TEPSIN: variants seen among roughly 807,000 people sequenced by gnomAD.
The protein encoded by TEPSIN is TEPSIN adaptor related protein complex 4 accessory protein, also known as AP-4 complex accessory subunit tepsin.
Under a neutral mutation model 48.5 loss-of-function variants are expected in TEPSIN, and 50 were observed. That is an observed-to-expected ratio of 1.03 (90% CI 0.82 to 1.31). The LOEUF (loss-of-function observed/expected upper bound fraction) is 1.31, where lower values mean the gene tolerates loss of function less well. Among genes scored for constraint, TEPSIN ranks in the 50% most tolerant of loss-of-function variants. TEPSIN has a pLI of 0.00. For missense variants in TEPSIN, 838 were observed against 815.9 expected (o/e 1.03, Z -0.33); for synonymous variants, 392 against 358.8 (o/e 1.09, Z -1.05).
In TEPSIN at chr17:81,230,726, A is replaced by C. The variant is rs745625373; in HGVS notation, c.1099-48T>G. ...TCAGCACCCATGGGGCAGCAGGTCC[A>C]CGCCAGGGAGGCCTATTTGGCCATC... On this transcript the variant is annotated intron_variant, in intron 11 of 12. Coordinates refer to ENST00000637944, the MANE Select transcript of TEPSIN (RefSeq NM_001363764.2). This position sits in a 1 kb window ranked among gnomAD's most constrained non-coding sequence, Gnocchi z 4.2. 12 of 1,473,966 alleles carry C rather than the reference A, an allele frequency of 8.1e-6. No individual in the cohort carries two copies. The Admixed American group carries it at 3.2e-4, about 39-fold the overall frequency. 91.3% of individuals were successfully genotyped at this position (1,473,966 alleles called of 1,614,324 possible). A position where few individuals can be genotyped will look rare whatever the true frequency, so the allele number is the denominator to read the frequency against.
intron 1 of TEPSIN, chr17:81,237,954 T>A: frequency 1.0e-6 from 1 of 1,004,964 alleles, no homozygotes; most frequent in Non-Finnish European, 1.2e-6. Context: ...GTCGTGTGTT[T>A]TACGTTCGCT....
In TEPSIN at chr17:81,237,022, G is replaced by A. The variant is rs200556310; in HGVS notation, c.171C>T (p.Leu57=). ...PGSSQCLLEY[L]LSRLHSSSGH... is the part of the protein sequence containing the mutation. ...CGGAGCTGCTGTGCAGGCGGCTCAG[G>A]AGGTACTCCAGCAGGCACTGGCTGC... is the stretch of plus-strand genomic sequence containing the variant. Residue 57 remains leucine (L), a synonymous_variant, in exon 3 of 13, where the codon CTC becomes CTT. Transcript: ENST00000637944. 4.4e-6 allele frequency: 7 copies of A among 1,598,338 alleles called. No individual in the cohort carries two copies. The East Asian group carries it at 1.4e-4, about 31-fold the overall frequency.
intron 1 of TEPSIN, chr17:81,237,901 G>A (rs1027881392): frequency 3.4e-6 from 3 of 880,444 alleles, no homozygotes; most frequent in Non-Finnish European, 4.1e-6. Flanking sequence ...AGTGACAGCC[G>A]CTCAGCGTGA....
chr17:81,228,837 G>T lies in TEPSIN; in HGVS notation c.*91C>A. ...GTCCTCTCAAGTCAAGCTGCCTGGA[G>T]ACTGTAGCAGCTACGGTTGAGGCTG... On this transcript the variant is annotated 3_prime_UTR_variant, in exon 13 of 13. Coordinates refer to ENST00000637944, the MANE Select transcript of TEPSIN (RefSeq NM_001363764.2). 6.7e-7 allele frequency: 1 copy of T among 1,499,994 alleles called. No homozygotes were observed. Among genetic ancestry groups the T allele is most frequent in the South Asian group, 1.2e-5 (1 of 82,680 alleles). The allele number at this position is 1,499,994 out of a possible 1,614,324, so 92.9% of individuals were successfully genotyped here.
chr17:81,237,420 G>T lies in TEPSIN; in HGVS notation c.88C>A (p.Pro30Thr). 6.2e-7 allele frequency: 1 copy of T among 1,611,952 alleles called. No homozygotes were observed. The highest frequency in any genetic ancestry group is 8.5e-7 in the Non-Finnish European group (1 of 1,179,458). The change falls in exon 2 of 13, where the codon CCG (proline) becomes ACG (threonine). Residue 30 changes from proline to threonine, a missense_variant. Physicochemically the swap from Pro to Thr is conservative, Grantham distance 38. Coordinates refer to ENST00000637944, the MANE Select transcript of TEPSIN (RefSeq NM_001363764.2). Reference sequence around the variant, plus strand: ...TCTTCAAACAGGTAGCCCGGACACGGGACATCATCATCGGACGTCCCCTTC... The same window carrying T: ...TCTTCAAACAGGTAGCCCGGACACGTGACATCATCATCGGACGTCCCCTTC... ...LLKGTSDDDV[P>T]CPGYLFEEIA...
Position 81,233,734 on chromosome 17 carries a change from G to A in TEPSIN, c.376-18C>T, listed in dbSNP as rs914830077. ...CCCAAGTCCTACAGGGGGAGGCGAA[G>A]GCCCTCAGTGTCCTCACACCAGGGC... On this transcript the variant is annotated intron_variant, in intron 5 of 12. Transcript: ENST00000637944. The surrounding 1 kb of genome is among the most constrained non-coding windows in gnomAD (Gnocchi z 5.8). 2 of 1,580,102 alleles carry A rather than the reference G, an allele frequency of 1.3e-6. No individual in the cohort carries two copies. Among genetic ancestry groups the A allele is most frequent in the Admixed American group, 1.9e-5 (1 of 53,166 alleles).
In TEPSIN at chr17:81,229,129, G is replaced by C. The variant is rs1192434636; in HGVS notation, c.1581C>G (p.Gly527=). ...CGCGGCTCCACGCACAGCTGCTGGG[G>C]CCTCTCTTTGGGCTGTCCGTGCCCC... ...IPGGTDSPKR[G]PSSCAWSRDS... The change falls in exon 13 of 13, where the codon GGC becomes GGG. Residue 527 remains glycine (G), a synonymous_variant. Coordinates refer to ENST00000637944, the MANE Select transcript of TEPSIN (RefSeq NM_001363764.2). 1 of 1,613,038 alleles carries C rather than the reference G, an allele frequency of 6.2e-7. No homozygotes were observed.
Position 81,231,932 on chromosome 17 carries a change from G to T in TEPSIN, c.820C>A (p.Leu274Met), listed in dbSNP as rs2062621632. 2 of 1,613,662 alleles carry T rather than the reference G, an allele frequency of 1.2e-6. No individual in the cohort carries two copies. Among genetic ancestry groups the T allele is most frequent in the Non-Finnish European group, 1.7e-6 (2 of 1,179,992 alleles). The stretch of plus-strand genomic sequence containing the variant: ...CTGCCCGAGTCCGAGACCCTGCTCA[G>T]GTCGCTGTTCTGGGAGGAATTCTGA... The part of the protein sequence containing the change: ...SSQNSSQNSD[L>M]SRVSDSGSHS... The change falls in exon 9 of 13, where the codon CTG (leucine) becomes ATG (methionine). Residue 274 changes from leucine (L) to methionine (M), a missense_variant. Transcript: ENST00000637944.
intron 12 of TEPSIN, chr17:81,229,728 T>C (rs2062549123): frequency 3.6e-6 from 2 of 550,634 alleles, no homozygotes; most frequent in Non-Finnish European, 6.4e-6. Context: ...GCTCCTTTAC[T>C]CACTACTAGA....
chr17:81,234,639 T>A lies in TEPSIN; in HGVS notation c.308-591A>T, dbSNP rs901122253. 1.3e-5 allele frequency among the ~76,000 whole-genome samples: 2 copies of A among 152,022 alleles called. No individual in the cohort carries two copies. Among genetic ancestry groups the A allele is most frequent in the African/African-American group, 4.8e-5 (2 of 41,390 alleles). On this transcript the variant is annotated intron_variant, in intron 4 of 12. Coordinates refer to ENST00000637944, the MANE Select transcript of TEPSIN (RefSeq NM_001363764.2). This position sits in a 1 kb window ranked among gnomAD's most constrained non-coding sequence, Gnocchi z 5.4. The stretch of plus-strand genomic sequence containing the variant: ...CTCGAGAGCCTCTGTCACAGGCGAA[T>A]CCACTCACGCCCCTCGGCCGTCTAC...
At chr17:81,238,269 A>G (rs1056398307) in intron 1 of TEPSIN, 4 of 713,338 alleles carry the variant, frequency 5.6e-6, no homozygotes, top group South Asian at 6.3e-5. Context: ...TGAGGTTTGC[A>G]GGTGACAGCT....
rs777445750 is a variant in TEPSIN, at chr17:81,232,021, G to A, written c.731C>T (p.Ala244Val). Residue 244 changes from alanine (A) to valine (V), a missense_variant and splice_region_variant, in exon 9 of 13, where the codon GCT becomes GTT. Coordinates refer to ENST00000637944, the MANE Select transcript of TEPSIN (RefSeq NM_001363764.2). ...GGCCTGCCCAGGCTGATGCCTCACAGCTGGAGGAAACAGGACAGCCGGTGA... is the reference window on the plus strand; with the variant it reads ...GGCCTGCCCAGGCTGATGCCTCACAACTGGAGGAAACAGGACAGCCGGTGA... ...LLPGAIPGPR[A>V]VRHQPGQAGG... The A allele has an allele frequency of 1.9e-6, 3 of 1,607,322 alleles. No homozygotes were observed. Among genetic ancestry groups the A allele is most frequent in the Non-Finnish European group, 2.5e-6 (3 of 1,179,448 alleles).
intron 4 of TEPSIN, among the ~76,000 whole-genome samples, chr17:81,235,062 G>A (rs971315729): frequency 3.3e-5 from 5 of 152,022 alleles, no homozygotes; most frequent in African/African-American, 7.3e-5. Context: ...TGCCAGCTTC[G>A]AGAAAACCCA....
chr17:81,231,322 C>T, intron 11 of TEPSIN, 76 bp downstream of exon 11: 3 of 1,396,432 alleles, frequency 2.1e-6, no homozygotes, highest in South Asian at 2.8e-5. Context: ...CACACGTGCA[C>T]ACACACGCAC....
rs1241603862 is a variant in TEPSIN, at chr17:81,230,629, T to A, written c.1148A>T (p.Gln383Leu). Residue 383 changes from glutamine (Q) to leucine (L), a missense_variant, in exon 12 of 13, where the codon CAG becomes CTG. Physicochemically the swap from Gln to Leu is moderately radical, Grantham distance 113 (BLOSUM62 -2). Transcript: ENST00000637944. The surrounding 1 kb of genome is among the most constrained non-coding windows in gnomAD (Gnocchi z 4.2). Reference protein sequence around the residue: ...ASLGSSDLLPQEHILLRTRPW... With the variant: ...ASLGSSDLLPLEHILLRTRPW... ...CCGGGTGCGGAGGAGGATGTGCTCC[T>A]GGGGGAGGAGGTCGCTGCTCCCCAG... is the stretch of plus-strand genomic sequence containing the variant. The A allele has an allele frequency of 1.3e-6, 2 of 1,598,896 alleles. No individual in the cohort carries two copies. The highest frequency in any genetic ancestry group is 2.2e-5 in the South Asian group (2 of 89,408).
At chr17:81,232,542 G>C in intron 7 of TEPSIN, 24 bp from the exon 8 acceptor site, 8 of 1,523,260 alleles carry the variant, frequency 5.3e-6, no homozygotes, top group Non-Finnish European at 7.0e-6. Context: ...GAGGGAGATG[G>C]GACGGCCGCC....
In TEPSIN at chr17:81,236,763, G is replaced by A. The variant is rs149429739; in HGVS notation, c.252C>T (p.Ser84=). The A allele has an allele frequency of 6.4e-7, 1 of 1,574,198 alleles. No homozygotes were observed. The highest frequency in any genetic ancestry group is 1.4e-5 in the African/African-American group (1 of 73,908). ...KILLYLCSHG[S]SFFLLILKRN... ...GTTTGAGGATGAGCAGGAAGAAGGAGGAGCCGTGGCTGCACAGATAGAGCA... is the reference window on the plus strand; with the variant it reads ...GTTTGAGGATGAGCAGGAAGAAGGAAGAGCCGTGGCTGCACAGATAGAGCA... Residue 84 remains serine, a synonymous_variant, in exon 4 of 13, where the codon TCC becomes TCT. Coordinates refer to ENST00000637944, the MANE Select transcript of TEPSIN (RefSeq NM_001363764.2).
At chr17:81,238,832 G>A in intron 1 of TEPSIN, 154 bp downstream of exon 1, 1 of 1,333,628 alleles carries the variant, frequency 7.5e-7, no homozygotes. Flanking sequence ...CGGCGGGCGG[G>A]CAGCTCAGGG....
intron 4 of TEPSIN, 127 bp downstream of exon 4, chr17:81,236,581 T>G (rs1171498458): frequency 4.1e-6 from 4 of 980,200 alleles, no homozygotes; most frequent in Non-Finnish European, 6.1e-6. Context: ...AAGGCGGGGC[T>G]TTGATCGGGA....
Sources: allele counts gnomAD v4.1 joint callset (sites outside exome capture counted in the v4.1 genomes callset), GRCh38; gene constraint gnomAD v4.1.1; non-coding constraint Gnocchi (gnomAD v3.1); transcripts MANE v1.5; gene names NCBI Gene and HGNC (gene_info 2026-07-23, HGNC 2026-07-21).